ROBO1: variants seen among roughly 807,000 people sequenced by gnomAD.
ROBO1 encodes roundabout homolog 1.
Under a neutral mutation model 195.9 loss-of-function variants are expected in ROBO1, and 149 were observed. That is an observed-to-expected ratio of 0.76 (90% CI 0.67 to 0.87). ROBO1 has a LOEUF of 0.87. Among genes scored for constraint, ROBO1 ranks in the 40% least tolerant of loss-of-function variants. The pLI, the probability that ROBO1 is intolerant of heterozygous loss-of-function variation, is 0.00. For missense variants in ROBO1, 1,933 were observed against 2,068.3 expected (o/e 0.93, Z 1.27); for synonymous variants, 816 against 733.2 (o/e 1.11, Z -1.82).
At chr3:78,842,016 C>T (rs1379238251) in intron 4 of ROBO1, among the ~76,000 whole-genome samples, 1 of 151,590 alleles carries the variant, frequency 6.6e-6, no homozygotes, top group African/African-American at 2.4e-5. Context: ...TCAGTTTGCT[C>T]TCCTTTGAAC....
chr3:79,644,249 C>A (rs1260698055), intron 1 of ROBO1, among the ~76,000 whole-genome samples: 2 of 151,998 alleles, frequency 1.3e-5, no homozygotes, highest in African/African-American at 4.8e-5. Flanking sequence ...GACTACAATA[C>A]AGTAAATGTA....
chr3:79,511,097 A>C (rs1248168771), intron 2 of ROBO1, among the ~76,000 whole-genome samples: 1 of 152,156 alleles, frequency 6.6e-6, no homozygotes, highest in Non-Finnish European at 1.5e-5. Context: ...ACAACACACA[A>C]GATTTGTTAG....
At chr3:78,765,749 T>A (rs1201643970) in intron 4 of ROBO1, among the ~76,000 whole-genome samples, 1 of 152,142 alleles carries the variant, frequency 6.6e-6, no homozygotes, top group Non-Finnish European at 1.5e-5. Flanking sequence ...ACAAAGCTAG[T>A]TAAACAGATG....
At position 79,754,642 on chromosome 3, in the gene ROBO1, A is replaced by G. The variant is rs1303404433; in HGVS notation, c.-51+13110T>C. ...GCAGTTTGGAGAGACTTAATGGAGA[A>G]GGAATAGGATGAAATATAAAGTGCC... On this transcript the variant is annotated intron_variant, in intron 1 of 30. Coordinates refer to ENST00000464233, the MANE Select transcript of ROBO1 (RefSeq NM_002941.4). 2.6e-5 allele frequency among the ~76,000 whole-genome samples: 4 copies of G among 152,212 alleles called. No homozygotes were observed. The South Asian group carries it at 8.3e-4, about 32-fold the overall frequency.
intron 1 of ROBO1, among the ~76,000 whole-genome samples, chr3:79,762,609 A>AACACACACACACACACAC (rs60977072): frequency 0.037 from 5,474 of 146,562 alleles, 115 homozygotes; most frequent in Middle Eastern, 0.063. Flanking sequence ...ATTCTGGACA[A>AACACACACACACACACAC]ACACACACAC....
intron 2 of ROBO1, among the ~76,000 whole-genome samples, chr3:79,395,114 G>A (rs1454815614): frequency 2.6e-5 from 4 of 151,988 alleles, no homozygotes; most frequent in East Asian, 2.0e-4. Context: ...ACGAGGTCAG[G>A]AGATCAAGAC....
At position 78,748,413 on chromosome 3, in the gene ROBO1, C is replaced by T. The variant is rs184972801; in HGVS notation, c.500-1513G>A. The stretch of plus-strand genomic sequence containing the variant: ...TGAGCTGAGATCGTGCCATTGCACG[C>T]CAGCCTCTGTCTCAAATAAATAAAT... On this transcript the variant is annotated intron_variant, in intron 4 of 30. Coordinates refer to ENST00000464233, the MANE Select transcript of ROBO1 (RefSeq NM_002941.4). Among the ~76,000 whole-genome samples, 451 of 150,800 alleles carry T rather than the reference C, an allele frequency of 3.0e-3. 3 individuals carry two copies. Among genetic ancestry groups the T allele is most frequent in the African/African-American group, 0.01 (426 of 41,154 alleles).
intron 3 of ROBO1, among the ~76,000 whole-genome samples, chr3:78,970,533 TTAAC>T (rs2076740364): frequency 6.6e-6 from 1 of 152,166 alleles, no homozygotes; most frequent in East Asian, 1.9e-4. Flanking sequence ...TAATTGTTGT[TTAAC>T]TATCACTTCC....
intron 2 of ROBO1, among the ~76,000 whole-genome samples, chr3:79,213,816 C>CTTTTTTT (rs59942369): frequency 1.3e-4 from 10 of 74,588 alleles, no homozygotes; most frequent in African/African-American, 1.7e-4. Context: ...TCTCCCCTTT[C>CTTTTTTT]TTTTTTTTTT....
chr3:78,939,450 T>TAAAA (rs772177770), intron 3 of ROBO1, among the ~76,000 whole-genome samples: 1 of 129,140 alleles, frequency 7.7e-6, no homozygotes, highest in Non-Finnish European at 1.7e-5. Context: ...CCGTCTCTAC[T>TAAAA]AAAAAAAAAA....
intron 1 of ROBO1, among the ~76,000 whole-genome samples, chr3:79,623,767 C>T (rs1481597671): frequency 6.6e-6 from 1 of 152,154 alleles, no homozygotes; most frequent in Non-Finnish European, 1.5e-5. Flanking sequence ...AGCTGTTAAA[C>T]ATACTTCAGG....
At chr3:79,689,316 C>T (rs572663754) in intron 1 of ROBO1, among the ~76,000 whole-genome samples, 8 of 152,006 alleles carry the variant, frequency 5.3e-5, no homozygotes, top group African/African-American at 1.9e-4. Flanking sequence ...AATAATTAGA[C>T]GCGATGACTT....
intron 11 of ROBO1, among the ~76,000 whole-genome samples, chr3:78,669,148 A>G (rs950801103): frequency 6.6e-6 from 1 of 152,218 alleles, no homozygotes; most frequent in African/African-American, 2.4e-5. Context: ...TCCCTTTTAA[A>G]AACTGAATGT....
At chr3:79,440,937 A>G (rs2039033064) in intron 2 of ROBO1, among the ~76,000 whole-genome samples, 1 of 152,174 alleles carries the variant, frequency 6.6e-6, no homozygotes, top group African/African-American at 2.4e-5. Context: ...TATTTTCAAC[A>G]GATGAATGAC....
rs75601544 is a variant in ROBO1, at chr3:79,576,185, G to C, written c.88+13639C>G. Among the ~76,000 whole-genome samples the C allele has an allele frequency of 4.2e-3, 638 of 152,006 alleles. 3 individuals carry two copies. The highest frequency in any genetic ancestry group is 0.015 in the African/African-American group (613 of 41,504). ...ATGTAAGACCCGCTATTCTGAAGAA[G>C]TTAATTATATTTATATTCATTAACC... is the stretch of plus-strand genomic sequence containing the variant. On this transcript the variant is annotated intron_variant, in intron 2 of 30. Transcript: ENST00000464233.
chr3:78,679,633 C>T (rs1224499824), intron 10 of ROBO1, among the ~76,000 whole-genome samples: 6 of 152,086 alleles, frequency 3.9e-5, no homozygotes, highest in Admixed American at 3.9e-4. Flanking sequence ...ATGTGAAGGA[C>T]CTCTTCAAGG....
chr3:79,327,590 A>AAT (rs146378505), intron 2 of ROBO1, among the ~76,000 whole-genome samples: 48 of 151,162 alleles, frequency 3.2e-4, no homozygotes, highest in East Asian at 9.7e-4. Context: ...ATAAAATTTA[A>AAT]ATATATATAT....
intron 4 of ROBO1, among the ~76,000 whole-genome samples, chr3:78,847,387 C>T (rs1297419080): frequency 1.3e-5 from 2 of 152,012 alleles, no homozygotes; most frequent in African/African-American, 2.4e-5. Context: ...TACTGCAGAA[C>T]GCATGTGCAA....
intron 4 of ROBO1, among the ~76,000 whole-genome samples, chr3:78,798,869 A>G (rs1328017206): frequency 6.6e-6 from 1 of 152,214 alleles, no homozygotes; most frequent in African/African-American, 2.4e-5. Flanking sequence ...ACTTGGAGGT[A>G]AGATGTGAAT....
Sources: gnomAD v4.1 joint callset for allele counts (sites outside exome capture counted in the v4.1 genomes callset) on GRCh38, gnomAD v4.1.1 for gene constraint, MANE v1.5 for transcripts, NCBI Gene and HGNC (gene_info 2026-07-23, HGNC 2026-07-21) for gene names.